Variants in TUFT1 observed in about 807,000 individuals in gnomAD.
The protein encoded by TUFT1 is tuftelin 1.
Under a neutral mutation model 57.8 loss-of-function variants are expected in TUFT1, and 43 were observed. The ratio of observed to expected loss-of-function variants is 0.74; its 90% CI spans 0.58 to 0.96. The LOEUF (loss-of-function observed/expected upper bound fraction) is 0.96. Among genes scored for constraint, TUFT1 ranks in the 40% least tolerant of loss-of-function variants. The pLI, the probability that TUFT1 is intolerant of heterozygous loss-of-function variation, is 0.00. For synonymous variants in TUFT1, 166 were observed against 176.7 expected (o/e 0.94, Z 0.48); for missense variants, 459 against 489.0 (o/e 0.94, Z 0.58).
At chr1:151,577,019 C>G (rs1251190946) in intron 9 of TUFT1, among the ~76,000 whole-genome samples, 1 of 152,108 alleles carries the variant, frequency 6.6e-6, no homozygotes. Context: ...AGCAATCCTC[C>G]CACCTCGCCT....
At chr1:151,560,128 C>T (rs974990036) in intron 1 of TUFT1, among the ~76,000 whole-genome samples, 10 of 150,756 alleles carry the variant, frequency 6.6e-5, no homozygotes, top group African/African-American at 1.9e-4. Context: ...AAAAAACCCT[C>T]AGTTGGGGGC....
rs1293997421 is a variant in TUFT1 at position 151,574,519 on chromosome 1, A to G, written c.723+121A>G. 3.7e-6 allele frequency: 5 copies of G among 1,333,562 alleles called. No individual in the cohort carries two copies. In the African/African-American group the frequency reaches 4.4e-5, roughly 12 times the overall value. The allele number at this position is 1,333,562 out of a possible 1,614,324, so 82.6% of individuals were successfully genotyped here. A position where few individuals can be genotyped will look rare whatever the true frequency, so the allele number is the denominator to read the frequency against. On this transcript the variant is annotated intron_variant, in intron 8 of 12. Coordinates refer to ENST00000368849, the MANE Select transcript of TUFT1 (RefSeq NM_020127.3). Reference sequence around the variant, plus strand: ...GCCTCTCCAGAAAAGCACACTTCGCACCTTCCTTTGGCAGATCCCTTGGAA... The same window carrying G: ...GCCTCTCCAGAAAAGCACACTTCGCGCCTTCCTTTGGCAGATCCCTTGGAA...
chr1:151,567,949 A>C (rs560742199), intron 6 of TUFT1, among the ~76,000 whole-genome samples: 6 of 152,392 alleles, frequency 3.9e-5, no homozygotes, highest in Admixed American at 6.5e-5. Context: ...AAACACAGGA[A>C]AGTGAAAGAA....
At chr1:151,546,543 A>G (rs971198100) in intron 1 of TUFT1, among the ~76,000 whole-genome samples, 26 of 152,130 alleles carry the variant, frequency 1.7e-4, no homozygotes, top group African/African-American at 6.0e-4. Context: ...AATCTCTCTC[A>G]GCCCTAGGCA....
rs145528997 is a variant in TUFT1, at chr1:151,565,876, G to A, written c.415-287G>A. The A allele has an allele frequency of 9.3e-4, 278 of 298,142 alleles. 2 individuals carry two copies. The highest frequency in any genetic ancestry group is 5.7e-3 in the African/African-American group (265 of 46,510). The allele number at this position is 298,142 out of a possible 1,614,324, so 18.5% of individuals were successfully genotyped here. ...TCATCCTCCCTACAAGACTTTCAAG[G>A]CCCTTTCAAGGCCGCATAACATCTC... On this transcript the variant is annotated intron_variant, in intron 5 of 12. Coordinates refer to ENST00000368849, the MANE Select transcript of TUFT1 (RefSeq NM_020127.3).
chr1:151,540,746 T>A, intron 1 of TUFT1: 10 of 319,726 alleles, frequency 3.1e-5, no homozygotes, highest in African/African-American at 4.3e-5. Flanking sequence ...CCACATTGGG[T>A]CATAAGAGAA....
Position 151,579,659 on chromosome 1 carries a change from C to T in TUFT1, c.935C>T (p.Ser312Leu). 6.2e-7 allele frequency: 1 copy of T among 1,613,958 alleles called. No individual in the cohort carries two copies. Among genetic ancestry groups the T allele is most frequent in the Non-Finnish European group, 8.5e-7 (1 of 1,179,958 alleles). ...VRQMIEQLQN[S>L]KAVIQSKDAT... ...CCCACACCTTTGCAGCTCCAGAATT[C>T]AAAAGCTGTGATCCAGTCAAAGGAC... is the stretch of plus-strand genomic sequence containing the variant. Residue 312 changes from serine (S) to leucine (L), a missense_variant, in exon 11 of 13, where the codon TCA becomes TTA. Ser to Leu is a moderately radical substitution (Grantham distance 145). Coordinates refer to ENST00000368849, the MANE Select transcript of TUFT1 (RefSeq NM_020127.3).
intron 9 of TUFT1, among the ~76,000 whole-genome samples, chr1:151,578,324 T>TG (rs938789019): frequency 5.9e-5 from 9 of 151,820 alleles, no homozygotes; most frequent in African/African-American, 1.7e-4. Context: ...TTCTTTTTTT[T>TG]TGTGAGACAA....
chr1:151,550,347 G>A (rs373168620), intron 1 of TUFT1, among the ~76,000 whole-genome samples: 4 of 151,614 alleles, frequency 2.6e-5, no homozygotes, highest in Non-Finnish European at 4.4e-5. Flanking sequence ...TAGTTTTTTC[G>A]TTTGTTTGTT....
intron 6 of TUFT1, among the ~76,000 whole-genome samples, chr1:151,567,687 T>G (rs2102544534): frequency 6.6e-6 from 1 of 152,022 alleles, no homozygotes; most frequent in East Asian, 1.9e-4. Context: ...CTGGGACTAC[T>G]GGCGTGAGCC....
chr1:151,553,936 T>C (rs1665590765), intron 1 of TUFT1, among the ~76,000 whole-genome samples: 1 of 152,254 alleles, frequency 6.6e-6, no homozygotes, highest in African/African-American at 2.4e-5. Context: ...TTGTCATATG[T>C]TTAATGACTG....
intron 1 of TUFT1, among the ~76,000 whole-genome samples, chr1:151,550,832 T>C (rs1375999997): frequency 6.6e-6 from 1 of 152,174 alleles, no homozygotes; most frequent in Non-Finnish European, 1.5e-5. Flanking sequence ...GAAGCTGAGA[T>C]GAGAGGATCA....
At chr1:151,542,092 G>A (rs752670261) in intron 1 of TUFT1, among the ~76,000 whole-genome samples, 2 of 152,196 alleles carry the variant, frequency 1.3e-5, no homozygotes, top group African/African-American at 2.4e-5. Flanking sequence ...TGTTTGGGCT[G>A]CTTTTTGCTT....
intron 2 of TUFT1, 32 bp downstream of exon 2, chr1:151,562,197 T>TTG: frequency 6.3e-7 from 1 of 1,580,924 alleles, no homozygotes; most frequent in African/African-American, 1.3e-5. Flanking sequence ...CAAGGCCCCC[T>TTG]CCCCACACCA....
intron 12 of TUFT1, 40 bp from the exon 13 acceptor site, chr1:151,581,604 T>G: frequency 6.2e-7 from 1 of 1,608,346 alleles, no homozygotes; most frequent in Non-Finnish European, 8.5e-7. Flanking sequence ...ACAACACAGC[T>G]GTTCCCAGCA....
chr1:151,558,798 T>G (rs1382122640), intron 1 of TUFT1, among the ~76,000 whole-genome samples: 1 of 148,162 alleles, frequency 6.7e-6, no homozygotes, highest in Non-Finnish European at 1.5e-5. Context: ...TTTTTTTTTC[T>G]TTTTGAGACG....
chr1:151,581,556 C>T, intron 12 of TUFT1, 88 bp from the exon 13 acceptor site: 3 of 1,324,304 alleles, frequency 2.3e-6, no homozygotes, highest in Non-Finnish European at 3.2e-6. Flanking sequence ...TTCCAGAGGC[C>T]AATGTGAAGA....
chr1:151,575,164 G>T (rs1286228986), intron 9 of TUFT1, among the ~76,000 whole-genome samples, 159 bp downstream of exon 9: 1 of 152,152 alleles, frequency 6.6e-6, no homozygotes, highest in Admixed American at 6.5e-5. Context: ...TCAGGGTGGA[G>T]CCCCACCCAA....
chr1:151,566,365 AAC>A (rs1666080180), intron 6 of TUFT1, 137 bp downstream of exon 6: 1 of 679,552 alleles, frequency 1.5e-6, no homozygotes, highest in Non-Finnish European at 2.5e-6. Flanking sequence ...TAAAAATTCA[AAC>A]ACAGAGAAAT....
Sources: gnomAD v4.1 joint callset for allele counts (sites outside exome capture counted in the v4.1 genomes callset) on GRCh38, gnomAD v4.1.1 for gene constraint, MANE v1.5 for transcripts, NCBI Gene and HGNC (gene_info 2026-07-23, HGNC 2026-07-21) for gene names.